The following CPQ variants were observed in gnomAD, a reference collection of about 807,000 sequenced individuals.
CPQ encodes Ser-Met dipeptidase.
In CPQ, 37 loss-of-function variants were observed where a neutral mutation model predicts 45.7. The observed-to-expected ratio is 0.81, with a 90% CI of 0.62 to 1.07. The LOEUF (loss-of-function observed/expected upper bound fraction) is 1.07, where lower values mean the gene tolerates loss of function less well. Among genes scored for constraint, CPQ ranks in the 50% least tolerant of loss-of-function variants. The pLI, the probability that CPQ is intolerant of heterozygous loss-of-function variation, is 0.00. For synonymous variants in CPQ, 186 were observed against 205.8 expected, an observed-to-expected ratio of 0.90 and a Z score of 0.82; for missense variants, 537 against 572.9, an observed-to-expected ratio of 0.94 and a Z score of 0.64.
At chr8:96,744,079 C>T (rs1488102233) in intron 1 of CPQ, among the ~76,000 whole-genome samples, 1 of 152,262 alleles carries the variant, frequency 6.6e-6, no homozygotes, top group Non-Finnish European at 1.5e-5. Context: ...CCCAGCCTCA[C>T]TGCCACCTTG....
Position 96,964,162 on chromosome 8 carries a change from T to C in CPQ, c.850-1773T>C, listed in dbSNP as rs183978922. 1.5e-3 allele frequency among the ~76,000 whole-genome samples: 195 copies of C among 133,730 alleles called. 1 individual carries two copies. The highest frequency in any genetic ancestry group is 2.6e-3 in the Non-Finnish European group (163 of 63,424). The allele number at this position is 133,730 out of a possible 152,430, so 87.7% of individuals were successfully genotyped here. Reference sequence around the variant, plus strand: ...TATGAACATTCCAGTACATCTTTTTTGGTTAAAGTATACACACACACACAC... The same window carrying C: ...TATGAACATTCCAGTACATCTTTTTCGGTTAAAGTATACACACACACACAC... On this transcript the variant is annotated intron_variant, in intron 4 of 7. Transcript: ENST00000220763.
At chr8:96,750,818 G>T (rs552972396) in intron 1 of CPQ, among the ~76,000 whole-genome samples, 6 of 152,046 alleles carry the variant, frequency 3.9e-5, no homozygotes, top group African/African-American at 1.2e-4. Context: ...CCCAATATGT[G>T]TTGTTTCCCC....
chr8:96,952,096 T>C (rs138090364), intron 4 of CPQ, among the ~76,000 whole-genome samples: 1 of 152,234 alleles, frequency 6.6e-6, no homozygotes, highest in East Asian at 1.9e-4. Context: ...GAGAAATTAT[T>C]GAAAGCACCC....
At chr8:96,892,906 G>A (rs1370615277) in intron 4 of CPQ, among the ~76,000 whole-genome samples, 1 of 152,076 alleles carries the variant, frequency 6.6e-6, no homozygotes. Context: ...TTTCAATGAT[G>A]GAGCCATTTA....
intron 4 of CPQ, among the ~76,000 whole-genome samples, chr8:96,911,067 AATACT>A (rs577039184): frequency 2.6e-5 from 4 of 152,104 alleles, no homozygotes; most frequent in Non-Finnish European, 5.9e-5. Context: ...TTATGATGTG[AATACT>A]ATAAGACCAA....
chr8:96,993,397 A>G (rs2130410419), intron 5 of CPQ, among the ~76,000 whole-genome samples: 1 of 152,312 alleles, frequency 6.6e-6, no homozygotes, highest in South Asian at 2.1e-4. Flanking sequence ...TTGTATACAA[A>G]AATAATGATG....
chr8:96,919,274 C>A (rs923316108), intron 4 of CPQ, among the ~76,000 whole-genome samples: 5 of 152,076 alleles, frequency 3.3e-5, no homozygotes, highest in Non-Finnish European at 7.4e-5. Context: ...AGAAGGTACT[C>A]CTGAATCTTC....
chr8:96,797,571 A>G (rs1321651487), intron 2 of CPQ, among the ~76,000 whole-genome samples: 2 of 152,170 alleles, frequency 1.3e-5, no homozygotes, highest in Non-Finnish European at 2.9e-5. Flanking sequence ...GGGCATTCTG[A>G]TGGATTGAAG....
At chr8:96,845,460 A>T (rs1447683323) in intron 3 of CPQ, among the ~76,000 whole-genome samples, 2 of 152,192 alleles carry the variant, frequency 1.3e-5, no homozygotes, top group African/African-American at 4.8e-5. Context: ...ACAGATACAT[A>T]CTGTATTATA....
chr8:96,770,710 A>T (rs1810531442), intron 1 of CPQ, among the ~76,000 whole-genome samples: 1 of 147,554 alleles, frequency 6.8e-6, no homozygotes, highest in African/African-American at 2.5e-5. Context: ...TTATATATAT[A>T]TATTATATAT....
At chr8:96,740,049 G>T (rs1810060551) in intron 1 of CPQ, among the ~76,000 whole-genome samples, 1 of 151,916 alleles carries the variant, frequency 6.6e-6, no homozygotes, top group Non-Finnish European at 1.5e-5. Context: ...AAATTACCTT[G>T]GGCAGTATGG....
intron 6 of CPQ, among the ~76,000 whole-genome samples, chr8:97,061,975 A>C (rs1273515581): frequency 6.6e-6 from 1 of 152,156 alleles, no homozygotes; most frequent in Non-Finnish European, 1.5e-5. Flanking sequence ...CTCTCTGCTA[A>C]AATGGCTGCC....
chr8:96,849,064 TTTTAACATGTAATCCA>T (rs528983949), intron 3 of CPQ, among the ~76,000 whole-genome samples: 1 of 152,320 alleles, frequency 6.6e-6, no homozygotes, highest in South Asian at 2.1e-4. Flanking sequence ...GTGGTGTATA[TTTTAACATGTAATCCA>T]ATATGTTAAC....
chr8:96,703,456 A>G (rs1259846406), intron 1 of CPQ, among the ~76,000 whole-genome samples: 1 of 152,184 alleles, frequency 6.6e-6, no homozygotes, highest in Non-Finnish European at 1.5e-5. Context: ...AAAAAGTAAC[A>G]CTCAAAATTT....
At chr8:96,818,524 A>T (rs1225541495) in intron 2 of CPQ, among the ~76,000 whole-genome samples, 4 of 152,060 alleles carry the variant, frequency 2.6e-5, no homozygotes, top group African/African-American at 9.7e-5. Flanking sequence ...ATTTGTAAAA[A>T]ACGCATTCAT....
intron 6 of CPQ, among the ~76,000 whole-genome samples, chr8:97,033,371 C>G (rs1434099587): frequency 6.6e-6 from 1 of 152,112 alleles, no homozygotes; most frequent in East Asian, 1.9e-4. Flanking sequence ...GCTGATTATG[C>G]TACAGAGATT....
At chr8:97,076,569 C>T (rs1810849345) in intron 7 of CPQ, among the ~76,000 whole-genome samples, 1 of 152,094 alleles carries the variant, frequency 6.6e-6, no homozygotes, top group Non-Finnish European at 1.5e-5. Flanking sequence ...TTTCTTCTTA[C>T]CACTTATGTG....
rs112353739 is a variant in CPQ at position 96,698,886 on chromosome 8, T to C, written c.-35+53484T>C. 7.4e-3 allele frequency among the ~76,000 whole-genome samples: 1,134 copies of C among 152,274 alleles called. 14 individuals are homozygous for C. The highest frequency in any genetic ancestry group is 0.026 in the African/African-American group (1,094 of 41,558). ...AACCCTTGTACACTATTGGTGGGAA[T>C]GTAAATTAGTACAACCACTATGGAC... On this transcript the variant is annotated intron_variant, in intron 1 of 7. Transcript: ENST00000220763.
rs539474774 is a variant in CPQ, at chr8:96,877,597, A to T, written c.642-2201A>T. On this transcript the variant is annotated intron_variant, in intron 3 of 7. Transcript: ENST00000220763. ...TCCACTAGCTCAGTGGGAAAAATTA[A>T]CACCAAAGAAGTAATAACAACTAAT... Among the ~76,000 whole-genome samples the T allele has an allele frequency of 1.4e-3, 215 of 152,362 alleles. 1 individual carries two copies. The highest frequency in any genetic ancestry group is 2.4e-3 in the Non-Finnish European group (166 of 68,024).
Sources: gnomAD v4.1 joint callset for allele counts (sites outside exome capture counted in the v4.1 genomes callset) on GRCh38, gnomAD v4.1.1 for gene constraint, MANE v1.5 for transcripts, NCBI Gene and HGNC (gene_info 2026-07-23, HGNC 2026-07-21) for gene names.